The following ZNF335 variants were observed in gnomAD, a reference collection of about 807,000 sequenced individuals.
ZNF335 encodes zinc finger protein 335.
Under a neutral mutation model 145.6 loss-of-function variants are expected in ZNF335, and 84 were observed. The ratio of observed to expected loss-of-function variants is 0.58; its 90% CI spans 0.48 to 0.69. The LOEUF is 0.69. Among genes scored for constraint, ZNF335 ranks in the 30% least tolerant of loss-of-function variants. ZNF335 has a pLI of 0.00. For synonymous variants in ZNF335, 761 were observed against 717.0 expected, an observed-to-expected ratio of 1.06 and a Z score of -0.98; for missense variants, 1,865 against 1,809.7, an observed-to-expected ratio of 1.03 and a Z score of -0.55.
In ZNF335 at chr20:45,971,069, A is replaced by T. The variant is rs1242469798; in HGVS notation, c.201+141T>A. 14 of 1,325,704 alleles carry T rather than the reference A, an allele frequency of 1.1e-5. No individual in the cohort carries two copies. The South Asian group carries it at 2.0e-4, about 19-fold the overall frequency. 82.1% of individuals were successfully genotyped at this position (1,325,704 alleles called of 1,614,324 possible). A position where few individuals can be genotyped will look rare whatever the true frequency, so the allele number is the denominator to read the frequency against. The stretch of plus-strand genomic sequence containing the variant: ...AAGCTCAAATGAGAAAATCCATTTT[A>T]GGGGTTTGGCTTGGTGCCTGGCTCA... On this transcript the variant is annotated intron_variant, in intron 2 of 27. Coordinates refer to ENST00000322927, the MANE Select transcript of ZNF335 (RefSeq NM_022095.4).
At chr20:45,963,363 G>A in intron 9 of ZNF335, 110 bp downstream of exon 9, 1 of 1,256,104 alleles carries the variant, frequency 8.0e-7, no homozygotes, top group Non-Finnish European at 1.1e-6. Flanking sequence ...AGCAGCAGGA[G>A]AGCGTGACCC....
rs747623594 is a variant in ZNF335 at position 45,965,798 on chromosome 20, G to A, written c.956-24C>T. ...CTCTGTGGGGGACAGTAAAGTTGGTGAACAGTGAGTGGCGGGACCTGCCCT... is the reference window on the plus strand; with the variant it reads ...CTCTGTGGGGGACAGTAAAGTTGGTAAACAGTGAGTGGCGGGACCTGCCCT... On this transcript the variant is annotated intron_variant, in intron 6 of 27. Coordinates refer to ENST00000322927, the MANE Select transcript of ZNF335 (RefSeq NM_022095.4). The A allele has an allele frequency of 6.9e-6, 11 of 1,589,898 alleles. No homozygotes were observed. The African/African-American group carries it at 1.4e-4, about 20-fold the overall frequency.
chr20:45,957,496 G>T, intron 17 of ZNF335, 90 bp downstream of exon 17: 1 of 1,280,242 alleles, frequency 7.8e-7, no homozygotes, highest in Non-Finnish European at 1.1e-6. Flanking sequence ...GAGAAGCTCT[G>T]ATACACTGTT....
chr20:45,961,823 G>A (rs549018182), intron 10 of ZNF335: 10 of 446,142 alleles, frequency 2.2e-5, no homozygotes, highest in African/African-American at 3.9e-5. Flanking sequence ...AACTGTCCCC[G>A]TTTGATGAGA....
In ZNF335 at chr20:45,952,179, G is replaced by A; in HGVS notation, c.3157C>T (p.Pro1053Ser). Reference sequence around the variant, plus strand: ...TCGGGCCACTGGCGGGCACTGAAGGGGCAGTCGGGGCACTTGAAGGCACCA... The same window carrying A: ...TCGGGCCACTGGCGGGCACTGAAGGAGCAGTCGGGGCACTTGAAGGCACCA... ...GPGAFKCPDCPFSARQWPEVR... is the reference protein window; with the variant it reads ...GPGAFKCPDCSFSARQWPEVR... Residue 1053 changes from proline (P) to serine (S), a missense_variant, in exon 20 of 28, where the codon CCC becomes TCC. Pro to Ser is a moderately conservative substitution (Grantham distance 74). Coordinates refer to ENST00000322927, the MANE Select transcript of ZNF335 (RefSeq NM_022095.4). The A allele has an allele frequency of 1.9e-6, 3 of 1,609,364 alleles. No individual in the cohort carries two copies. Among genetic ancestry groups the A allele is most frequent in the Middle Eastern group, 1.7e-4 (1 of 5,972 alleles).
chr20:45,949,136 C>T, intron 27 of ZNF335, 34 bp downstream of exon 27: 1 of 1,613,462 alleles, frequency 6.2e-7, no homozygotes. Flanking sequence ...GGGTCCATAC[C>T]CAGCCCCATG....
In ZNF335 at chr20:45,969,318, CAG is replaced by C. The variant is rs1339174036; in HGVS notation, c.442+131_442+132del. ...TAAATCCTCATTTACCACCATGAGA[CAG>C]GGGTGACTGTTCCCACTCTGCACAT... On this transcript the variant is annotated intron_variant, in intron 3 of 27. Transcript: ENST00000322927. The C allele has an allele frequency of 6.9e-6, 8 of 1,161,914 alleles. No homozygotes were observed. The African/African-American group carries it at 9.5e-5, about 14-fold the overall frequency. The allele number at this position is 1,161,914 out of a possible 1,614,324, so 72.0% of individuals were successfully genotyped here. A position where few individuals can be genotyped will look rare whatever the true frequency, so the allele number is the denominator to read the frequency against.
Position 45,964,005 on chromosome 20 carries a change from C to A in ZNF335, c.1103-15G>T. ...TCCTTCCACACCTGCCACGGACATGCCAGGTCACAAGCCAGCCACTGACAC... is the reference window on the plus strand; with the variant it reads ...TCCTTCCACACCTGCCACGGACATGACAGGTCACAAGCCAGCCACTGACAC... On this transcript the variant is annotated splice_polypyrimidine_tract_variant and intron_variant, in intron 7 of 27. Transcript: ENST00000322927. The A allele has an allele frequency of 6.6e-7, 1 of 1,513,156 alleles. No homozygotes were observed. Among genetic ancestry groups the A allele is most frequent in the Non-Finnish European group, 8.8e-7 (1 of 1,133,016 alleles). The allele number at this position is 1,513,156 out of a possible 1,614,324, so 93.7% of individuals were successfully genotyped here. A position where few individuals can be genotyped will look rare whatever the true frequency, so the allele number is the denominator to read the frequency against.
Position 45,960,250 on chromosome 20 carries a change from G to C in ZNF335, c.1978C>G (p.Arg660Gly). ...KCSFCPYRTF[R>G]EDFLLSHVAV... The stretch of plus-strand genomic sequence containing the variant: ...ACATGGGACAGCAAGAAGTCCTCTC[G>C]GAAGGTGCGGTAGGGACAAAAGCTG... The change falls in exon 14 of 28, where the codon CGA (arginine) becomes GGA (glycine). Residue 660 changes from arginine to glycine, a missense_variant. Coordinates refer to ENST00000322927, the MANE Select transcript of ZNF335 (RefSeq NM_022095.4). 6.2e-7 allele frequency: 1 copy of C among 1,614,166 alleles called. No homozygotes were observed. The highest frequency in any genetic ancestry group is 1.6e-4 in the Middle Eastern group (1 of 6,062).
rs3827066 is a variant in ZNF335 at position 45,957,384 on chromosome 20, C to T, written c.2442+202G>A. Among the ~76,000 whole-genome samples, 18,100 of 152,260 alleles carry T rather than the reference C, an allele frequency of 0.12. 1,253 individuals carry two copies. Among genetic ancestry groups the T allele is most frequent in the Non-Finnish European group, 0.16 (10,752 of 68,000 alleles). ...GTCACCAGTGATTCTGGAGAATGGACGGGATACCCTGCGGCCTCCGTGGCA... is the reference window on the plus strand; with the variant it reads ...GTCACCAGTGATTCTGGAGAATGGATGGGATACCCTGCGGCCTCCGTGGCA... On this transcript the variant is annotated intron_variant, in intron 17 of 27. Transcript: ENST00000322927.
rs572503103 is a variant in ZNF335, at chr20:45,970,932, T to C, written c.201+278A>G. 5.3e-5 allele frequency among the ~76,000 whole-genome samples: 8 copies of C among 152,220 alleles called. No homozygotes were observed. In the South Asian group the frequency reaches 1.0e-3, roughly 20 times the overall value. ...CAAAGTGTGAGGACTGTGGGTAGTA[T>C]AGTAGCTAAGACCACAGCCTAGATT... is the stretch of plus-strand genomic sequence containing the variant. On this transcript the variant is annotated intron_variant, in intron 2 of 27. Transcript: ENST00000322927.
At chr20:45,953,239 G>A (rs1568808620) in intron 18 of ZNF335, among the ~76,000 whole-genome samples, 1 of 152,198 alleles carries the variant, frequency 6.6e-6, no homozygotes, top group African/African-American at 2.4e-5. Context: ...TCACTGTAGG[G>A]AAGCCAAGTA....
At chr20:45,968,180 G>A in intron 4 of ZNF335, 105 bp downstream of exon 4, 1 of 1,506,174 alleles carries the variant, frequency 6.6e-7, no homozygotes, top group Non-Finnish European at 9.1e-7. Flanking sequence ...ACCCAGAGCA[G>A]TGGATACCCA....
intron 17 of ZNF335, among the ~76,000 whole-genome samples, chr20:45,955,955 C>T (rs1212675932): frequency 6.6e-6 from 1 of 152,152 alleles, no homozygotes; most frequent in Non-Finnish European, 1.5e-5. Context: ...TCAAATGATA[C>T]AGAGATGCAA....
chr20:45,965,773 C>G lies in ZNF335; in HGVS notation c.957G>C (p.Glu319Asp). 5 of 1,602,116 alleles carry G rather than the reference C, an allele frequency of 3.1e-6. No homozygotes were observed. Among genetic ancestry groups the G allele is most frequent in the Non-Finnish European group, 4.3e-6 (5 of 1,174,570 alleles). Residue 319 changes from glutamate (E) to aspartate (D), a missense_variant and splice_region_variant, in exon 7 of 28, where the codon GAG becomes GAC. Transcript: ENST00000322927. ...VDAGAIDDLE[E>D]DSDYNPAEDE... is the part of the protein sequence containing the mutation. ...CCTCAGCTGGATTATAGTCGCTATC[C>G]TCTGTGGGGGACAGTAAAGTTGGTG...
intron 6 of ZNF335, chr20:45,967,289 G>A: frequency 1.5e-6 from 1 of 681,232 alleles, no homozygotes. Context: ...TGTGAACAGG[G>A]CCCCCTGTGC....
intron 6 of ZNF335, among the ~76,000 whole-genome samples, chr20:45,966,152 T>C (rs904292015): frequency 4.6e-5 from 7 of 152,196 alleles, no homozygotes; most frequent in African/African-American, 1.7e-4. Flanking sequence ...TATTGAGCCC[T>C]TGAAATATGC....
At chr20:45,956,970 T>C (rs1035928690) in intron 17 of ZNF335, among the ~76,000 whole-genome samples, 6 of 152,318 alleles carry the variant, frequency 3.9e-5, no homozygotes, top group African/African-American at 1.4e-4. Flanking sequence ...TAAATTATTA[T>C]GATTTCTGGA....
Position 45,952,199 on chromosome 20 carries a change from GCA to G in ZNF335, c.3135_3136del (p.Ala1046LeufsTer32). 6.2e-7 allele frequency: 1 copy of G among 1,612,372 alleles called. No individual in the cohort carries two copies. The highest frequency in any genetic ancestry group is 8.5e-7 in the Non-Finnish European group (1 of 1,179,540). On this transcript the variant is annotated frameshift_variant, in exon 20 of 28. Transcript: ENST00000322927. LOFTEE classifies it high-confidence loss of function. ...GAAGGGGCAGTCGGGGCACTTGAAG[GCA>G]CCAGGCCCAGCGTGGGCCCGCTTGT...
Sources: gnomAD v4.1 joint callset for allele counts (sites outside exome capture counted in the v4.1 genomes callset) on GRCh38, gnomAD v4.1.1 for gene constraint, MANE v1.5 for transcripts, NCBI Gene and HGNC (gene_info 2026-07-23, HGNC 2026-07-21) for gene names.